Variants in CHD7 observed in about 807,000 individuals in gnomAD.
CHD7 encodes ATP-dependent chromatin remodeler CHD7.
Under a neutral mutation model 307.3 loss-of-function variants are expected in CHD7, and 24 were observed. The ratio of observed to expected loss-of-function variants is 0.08; its 90% CI spans 0.06 to 0.11. CHD7 has a LOEUF of 0.11. Ranked by LOEUF, CHD7 falls within the 10% of genes least tolerant of loss-of-function variation. The pLI, the probability that CHD7 is intolerant of heterozygous loss-of-function variation, is 1.00. For synonymous variants in CHD7, 1,363 were observed against 1,349.9 expected (o/e 1.01, Z -0.21); for missense variants, 3,106 against 3,727.1 (o/e 0.83, Z 4.34).
Position 60,836,118 on chromosome 8 carries a change from C to A in CHD7, c.3824C>A (p.Ala1275Glu), listed in dbSNP as rs757734110. 1 of 1,613,200 alleles carries A rather than the reference C, an allele frequency of 6.2e-7. No individual in the cohort carries two copies. The highest frequency in any genetic ancestry group is 8.5e-7 in the Non-Finnish European group (1 of 1,179,620). The part of the protein sequence containing the change: ...ILEEFKETHN[A>E]ESPDFQLQAM... The stretch of plus-strand genomic sequence containing the variant: ...GAAGAGTTTAAAGAAACACACAATG[C>A]AGAGTCTCCAGATTTTCAGCTCCAG... The change falls in exon 16 of 38, where the codon GCA becomes GAA. Residue 1275 changes from alanine to glutamate, a missense_variant. By Grantham distance (107) the Ala-to-Glu change is moderately radical. Transcript: ENST00000423902.
Position 60,865,076 on chromosome 8 carries a change from G to A in CHD7, c.8137G>A (p.Gly2713Arg), listed in dbSNP as rs764956903. 1 of 1,609,984 alleles carries A rather than the reference G, an allele frequency of 6.2e-7. No homozygotes were observed. The highest frequency in any genetic ancestry group is 1.1e-5 in the South Asian group (1 of 90,204). ...LLTGPVVRGEGASRRGRRPKS... is the reference protein window; with the variant it reads ...LLTGPVVRGERASRRGRRPKS... ...CACTGGGCCTGTAGTGCGGGGAGAG[G>A]GAGCGAGCAGAAGAGGAAGAAGGCC... Residue 2713 changes from glycine to arginine, a missense_variant, in exon 38 of 38, where the codon GGA (glycine) becomes AGA (arginine). Transcript: ENST00000423902. The surrounding 1 kb of genome is among the most constrained non-coding windows in gnomAD (Gnocchi z 4.3).
chr8:60,844,487 C>T (rs1290804676), intron 21 of CHD7, among the ~76,000 whole-genome samples: 1 of 152,128 alleles, frequency 6.6e-6, no homozygotes, highest in Non-Finnish European at 1.5e-5. Context: ...TGCCTTTTGT[C>T]TCAGATGGTT....
At position 60,742,987 on chromosome 8, in the gene CHD7, C is replaced by T. The variant is rs775535376; in HGVS notation, c.1555C>T (p.Pro519Ser). The change falls in exon 2 of 38, where the codon CCT (proline) becomes TCT (serine). Residue 519 changes from proline (P) to serine (S), a missense_variant. Coordinates refer to ENST00000423902, the MANE Select transcript of CHD7 (RefSeq NM_017780.4). ...QQLPTCPPLQ[P>S]HPGLHHQSSP... The stretch of plus-strand genomic sequence containing the variant: ...GTTGCCAACCTGTCCTCCACTGCAG[C>T]CTCACCCGGGCTTGCACCACCAGTC... The T allele has an allele frequency of 6.8e-6, 11 of 1,613,842 alleles. No individual in the cohort carries two copies. In the South Asian group the frequency reaches 1.2e-4, roughly 18 times the overall value.
chr8:60,863,808 C>T (rs1432281934), intron 37 of CHD7: 1 of 144,920 alleles, frequency 6.9e-6, no homozygotes, highest in Non-Finnish European at 1.5e-5. Context: ...AATCACAGCT[C>T]ACTACAGCCT....
chr8:60,727,443 T>TTAACAGAGTTAA (rs1808225778), intron 1 of CHD7, among the ~76,000 whole-genome samples: 2 of 152,232 alleles, frequency 1.3e-5, no homozygotes, highest in South Asian at 2.1e-4. Flanking sequence ...GTAACTACTC[T>TTAACAGAGTTAA]TAACAGAGTT....
At position 60,797,821 on chromosome 8, in the gene CHD7, A is replaced by C. The variant is rs186640559; in HGVS notation, c.2239-2567A>C. Among the ~76,000 whole-genome samples, 15 of 152,342 alleles carry C rather than the reference A, an allele frequency of 9.8e-5. No individual in the cohort carries two copies. The East Asian group carries it at 2.1e-3, about 22-fold the overall frequency. On this transcript the variant is annotated intron_variant, in intron 4 of 37. Coordinates refer to ENST00000423902, the MANE Select transcript of CHD7 (RefSeq NM_017780.4). ...AGAAGTGAGGAATGGTAAAGTGGGC[A>C]TGAGAGCAGGAGTAAGTAGGTCAGC...
intron 3 of CHD7, among the ~76,000 whole-genome samples, chr8:60,792,541 T>C (rs1398282353): frequency 1.3e-5 from 2 of 152,230 alleles, no homozygotes; most frequent in Non-Finnish European, 2.9e-5. Context: ...AGTGCTTCCC[T>C]TATCTACAGG....
In CHD7 at chr8:60,845,266, G is replaced by A. The variant is rs912054705; in HGVS notation, c.5067G>A (p.Val1689=). Residue 1689 remains valine (V), a synonymous_variant, in exon 23 of 38, where the codon GTG becomes GTA. Transcript: ENST00000423902. ...TGATTCTAGGTTTGTCAGCTCCTGT[G>A]CCAAGGGGAAGGAAGGGAAAGAAGG... The part of the protein sequence containing the change: ...LVNHSGLSAP[V]PRGRKGKKVK... 1.9e-6 allele frequency: 3 copies of A among 1,612,240 alleles called. No individual in the cohort carries two copies. In the African/African-American group the frequency reaches 4.0e-5, roughly 22 times the overall value.
intron 1 of CHD7, among the ~76,000 whole-genome samples, chr8:60,734,858 A>C (rs1215058299): frequency 6.6e-6 from 1 of 152,190 alleles, no homozygotes; most frequent in Non-Finnish European, 1.5e-5. Flanking sequence ...GATTTTAATC[A>C]GGGAGAGGTA....
rs755898600 is a variant in CHD7, at chr8:60,781,405, A to G, written c.2071A>G (p.Lys691Glu). Reference protein sequence around the residue: ...KEKKAKTATPKPKSSKKSSNK... With the variant: ...KEKKAKTATPEPKSSKKSSNK... Reference sequence around the variant, plus strand: ...AAAGAAAGCAAAAACTGCCACGCCAAAACCCAAATCCAGCAAAAAGTCAAG... The same window carrying G: ...AAAGAAAGCAAAAACTGCCACGCCAGAACCCAAATCCAGCAAAAAGTCAAG... Residue 691 changes from lysine to glutamate, a missense_variant, in exon 3 of 38, where the codon AAA becomes GAA. Physicochemically the swap from Lys to Glu is moderately conservative, Grantham distance 56. Transcript: ENST00000423902. 8.5e-6 allele frequency: 13 copies of G among 1,530,188 alleles called. No individual in the cohort carries two copies. The highest frequency in any genetic ancestry group is 1.1e-5 in the Non-Finnish European group (13 of 1,147,708). 94.8% of individuals were successfully genotyped at this position (1,530,188 alleles called of 1,614,324 possible). A position where few individuals can be genotyped will look rare whatever the true frequency, so the allele number is the denominator to read the frequency against.
chr8:60,839,605 CT>C (rs1223600768), intron 19 of CHD7, among the ~76,000 whole-genome samples: 1 of 152,090 alleles, frequency 6.6e-6, no homozygotes, highest in Non-Finnish European at 1.5e-5. Context: ...CTCCCCAATA[CT>C]TTTTATTATC....
intron 1 of CHD7, among the ~76,000 whole-genome samples, chr8:60,714,563 C>T (rs1258659903): frequency 6.6e-6 from 1 of 152,236 alleles, no homozygotes; most frequent in Non-Finnish European, 1.5e-5. Context: ...CCTCAGCCCT[C>T]CTGGCCCCTG....
chr8:60,680,605 G>A (rs1017211792), intron 1 of CHD7, among the ~76,000 whole-genome samples: 38 of 152,134 alleles, frequency 2.5e-4, no homozygotes, highest in Admixed American at 2.0e-4. Flanking sequence ...GAGCGCCCCC[G>A]TGAAGCGAGC....
intron 1 of CHD7, among the ~76,000 whole-genome samples, chr8:60,725,854 G>A (rs566939408): frequency 2.0e-5 from 3 of 152,292 alleles, no homozygotes; most frequent in Admixed American, 2.0e-4. Context: ...GACTGGATCT[G>A]GGAGGTACCT....
At chr8:60,858,562 T>C (rs1015844847) in intron 34 of CHD7, among the ~76,000 whole-genome samples, 2 of 152,230 alleles carry the variant, frequency 1.3e-5, no homozygotes, top group Non-Finnish European at 2.9e-5. Context: ...CTGACACTTC[T>C]TTTTGTTTGT....
intron 2 of CHD7, among the ~76,000 whole-genome samples, chr8:60,752,493 G>T (rs1809687895): frequency 6.6e-6 from 1 of 152,196 alleles, no homozygotes; most frequent in Non-Finnish European, 1.5e-5. Flanking sequence ...TAGGCAGTTG[G>T]GAGGTTGCAG....
Position 60,852,494 on chromosome 8 carries a change from A to C in CHD7, c.5895-4A>C, listed in dbSNP as rs1283945048. 1 of 1,611,368 alleles carries C rather than the reference A, an allele frequency of 6.2e-7. No homozygotes were observed. The highest frequency in any genetic ancestry group is 1.1e-5 in the South Asian group (1 of 90,896). ...GATGCAAGCTAATATAATCTTTCTA[A>C]CAGGTGGACAAGAAGAGAAGAGGCT... On this transcript the variant is annotated splice_polypyrimidine_tract_variant and splice_region_variant and intron_variant, in intron 29 of 37. Transcript: ENST00000423902.
chr8:60,732,678 C>T (rs185537937), intron 1 of CHD7, among the ~76,000 whole-genome samples: 1 of 152,266 alleles, frequency 6.6e-6, no homozygotes, highest in Non-Finnish European at 1.5e-5. Context: ...ATACACCACC[C>T]TGGGCTTTAC....
intron 13 of CHD7, chr8:60,824,692 T>C (rs1804188690): frequency 6.6e-6 from 1 of 152,216 alleles, no homozygotes; most frequent in South Asian, 2.1e-4. Flanking sequence ...GCTTAGAAGT[T>C]TGGGGCATTA....
Sources: gnomAD v4.1 joint callset for allele counts (sites outside exome capture counted in the v4.1 genomes callset) on GRCh38, gnomAD v4.1.1 for gene constraint, Gnocchi (gnomAD v3.1) non-coding constraint, MANE v1.5 for transcripts, NCBI Gene and HGNC (gene_info 2026-07-23, HGNC 2026-07-21) for gene names.